The following JMJD1C variants were observed in gnomAD, a reference collection of about 807,000 sequenced individuals.
JMJD1C encodes the protein jumonji domain-containing protein 1C.
In JMJD1C, 31 loss-of-function variants were observed where a neutral mutation model predicts 245.3. The observed-to-expected ratio is 0.13, with a 90% CI of 0.09 to 0.17. The LOEUF (loss-of-function observed/expected upper bound fraction) is 0.17. Among genes scored for constraint, JMJD1C ranks in the 10% least tolerant of loss-of-function variants. JMJD1C has a pLI of 1.00. For missense variants in JMJD1C, 2,691 were observed against 3,000.2 expected (o/e 0.90, Z 2.41); for synonymous variants, 1,057 against 1,017.4 (o/e 1.04, Z -0.74).
At chr10:63,314,387 C>G (rs542088343) in intron 2 of JMJD1C, among the ~76,000 whole-genome samples, 50 of 152,162 alleles carry the variant, frequency 3.3e-4, no homozygotes, top group Non-Finnish European at 5.4e-4. Context: ...TGAAGAAACT[C>G]CATCTCCACT....
In JMJD1C at chr10:63,448,149, T is replaced by A. The variant is rs537983013; in HGVS notation, c.168+17346A>T. Among the ~76,000 whole-genome samples the A allele has an allele frequency of 2.0e-3, 304 of 152,246 alleles. 1 individual carries two copies. Among genetic ancestry groups the A allele is most frequent in the African/African-American group, 7.1e-3 (297 of 41,548 alleles). The stretch of plus-strand genomic sequence containing the variant: ...AACTAAACATTTTCCCAATACATTT[T>A]ATTTTATTTTAATTTTATTTTATTT... On this transcript the variant is annotated intron_variant, in intron 1 of 25. Transcript: ENST00000399262.
chr10:63,274,939 G>A (rs1471586099), intron 2 of JMJD1C, among the ~76,000 whole-genome samples: 1 of 152,062 alleles, frequency 6.6e-6, no homozygotes, highest in Non-Finnish European at 1.5e-5. Flanking sequence ...CATGCCCCTG[G>A]AATCCCAGCT....
chr10:63,240,872 G>A (rs111523811), intron 3 of JMJD1C, among the ~76,000 whole-genome samples: 7 of 152,132 alleles, frequency 4.6e-5, no homozygotes, highest in East Asian at 3.9e-4. Flanking sequence ...TATGACCAGC[G>A]GGATATCTCC....
intron 24 of JMJD1C, among the ~76,000 whole-genome samples, chr10:63,171,247 G>C (rs1842325434): frequency 6.7e-6 from 1 of 150,244 alleles, no homozygotes; most frequent in Non-Finnish European, 1.5e-5. Context: ...CTACAGCTGA[G>C]ACAAAAATCC....
intron 3 of JMJD1C, among the ~76,000 whole-genome samples, chr10:63,236,565 TGA>T (rs1850758425): frequency 6.6e-6 from 1 of 152,214 alleles, no homozygotes; most frequent in South Asian, 2.1e-4. Flanking sequence ...TTTAACCTAC[TGA>T]GTCACCTGCT....
At chr10:63,478,965 A>C (rs1217662562) in intron 1 of JMJD1C, among the ~76,000 whole-genome samples, 1 of 152,204 alleles carries the variant, frequency 6.6e-6, no homozygotes, top group Non-Finnish European at 1.5e-5. Flanking sequence ...ACCCTGTCTC[A>C]AAAACAAATG....
chr10:63,315,228 T>G (rs1193224534), intron 2 of JMJD1C, among the ~76,000 whole-genome samples: 1 of 152,176 alleles, frequency 6.6e-6, no homozygotes, highest in Non-Finnish European at 1.5e-5. Context: ...ACCCAGGTAC[T>G]GAGCATAGTA....
At chr10:63,269,182 T>C (rs1855992815) in intron 2 of JMJD1C, 11 of 985,428 alleles carry the variant, frequency 1.1e-5, no homozygotes, top group Non-Finnish European at 1.2e-5. Context: ...GGAAACACAG[T>C]GCAGTAGCTT....
chr10:63,422,435 C>T (rs540807527), intron 1 of JMJD1C, among the ~76,000 whole-genome samples: 36 of 152,266 alleles, frequency 2.4e-4, no homozygotes, highest in African/African-American at 8.7e-4. Flanking sequence ...AGAACACTTG[C>T]CATTTGCTCA....
rs118184336 is a variant in JMJD1C at position 63,340,417 on chromosome 10, G to T, written c.333+39901C>A. 2.4e-3 allele frequency among the ~76,000 whole-genome samples: 365 copies of T among 152,278 alleles called. 3 individuals are homozygous for T. The South Asian group carries it at 0.029, about 12-fold the overall frequency. Reference sequence around the variant, plus strand: ...GTGCATTGCTCACTGTGTGTGTGTGGTTTTTTGTTTTTTTACTTATTCTCT... The same window carrying T: ...GTGCATTGCTCACTGTGTGTGTGTGTTTTTTTGTTTTTTTACTTATTCTCT... On this transcript the variant is annotated intron_variant, in intron 2 of 25. Coordinates refer to ENST00000399262, the MANE Select transcript of JMJD1C (RefSeq NM_032776.3).
intron 14 of JMJD1C, among the ~76,000 whole-genome samples, chr10:63,193,985 T>C (rs1403434455): frequency 6.6e-6 from 1 of 152,180 alleles, no homozygotes; most frequent in Non-Finnish European, 1.5e-5. Flanking sequence ...TTCTCTATTC[T>C]TTTCTCTCTT....
chr10:63,197,433 T>C lies in JMJD1C; in HGVS notation c.5622A>G (p.Ala1874=). Residue 1874 remains alanine (A), a synonymous_variant, in exon 13 of 26, where the codon GCA becomes GCG. Coordinates refer to ENST00000399262, the MANE Select transcript of JMJD1C (RefSeq NM_032776.3). ...GFVVCLDCYK[A]KERKSSRDKE... is the part of the protein sequence containing the mutation. Reference sequence around the variant, plus strand: ...AACCTCTAGAACTCTTCCTTTCCTTTGCCTTGTAACAATCTAAGCAGACCA... The same window carrying C: ...AACCTCTAGAACTCTTCCTTTCCTTCGCCTTGTAACAATCTAAGCAGACCA... 1.2e-6 allele frequency: 2 copies of C among 1,613,468 alleles called. No individual in the cohort carries two copies. Among genetic ancestry groups the C allele is most frequent in the Non-Finnish European group, 1.7e-6 (2 of 1,179,846 alleles).
chr10:63,219,780 G>T, intron 4 of JMJD1C, 98 bp downstream of exon 4: 1 of 697,538 alleles, frequency 1.4e-6, no homozygotes. Flanking sequence ...ATTGGACTGG[G>T]CCTTCTATTT....
chr10:63,266,328 A>G (rs1030436204), intron 2 of JMJD1C, among the ~76,000 whole-genome samples: 62 of 152,104 alleles, frequency 4.1e-4, no homozygotes, highest in Non-Finnish European at 3.1e-4. Flanking sequence ...CACATTATTT[A>G]GCTATTTCCT....
At chr10:63,373,440 ATTTG>A (rs958066505) in intron 2 of JMJD1C, among the ~76,000 whole-genome samples, 3 of 152,192 alleles carry the variant, frequency 2.0e-5, no homozygotes, top group Non-Finnish European at 2.9e-5. Flanking sequence ...AGACAACAGG[ATTTG>A]TTTTTGTCTT....
chr10:63,319,892 T>G (rs1940630854), intron 2 of JMJD1C, among the ~76,000 whole-genome samples: 1 of 152,164 alleles, frequency 6.6e-6, no homozygotes, highest in Admixed American at 6.5e-5. Flanking sequence ...GCCTCCTGGG[T>G]AGCTGGGATT....
intron 1 of JMJD1C, among the ~76,000 whole-genome samples, chr10:63,432,237 T>C (rs754022134): frequency 4.6e-5 from 7 of 152,216 alleles, no homozygotes; most frequent in African/African-American, 9.6e-5. Flanking sequence ...GCATGATAAA[T>C]GTGCCTGCAC....
chr10:63,501,547 G>A (rs1954561298), intron 1 of JMJD1C, among the ~76,000 whole-genome samples: 1 of 152,172 alleles, frequency 6.6e-6, no homozygotes, highest in African/African-American at 2.4e-5. Flanking sequence ...GGAGGCCGAG[G>A]AGGGTGATTC....
intron 1 of JMJD1C, among the ~76,000 whole-genome samples, chr10:63,396,230 C>T (rs1412363827): frequency 1.3e-5 from 2 of 152,084 alleles, no homozygotes; most frequent in African/African-American, 4.8e-5. Flanking sequence ...CTAAATCTCA[C>T]GTGCCTTTTA....
Sources: allele counts gnomAD v4.1 joint callset (sites outside exome capture counted in the v4.1 genomes callset), GRCh38; gene constraint gnomAD v4.1.1; transcripts MANE v1.5; gene names NCBI Gene and HGNC (gene_info 2026-07-23, HGNC 2026-07-21).